Variants in MID1 observed in about 807,000 individuals in gnomAD.
MID1 encodes E3 ubiquitin-protein ligase Midline-1.
A neutral mutation model predicts 40.4 loss-of-function variants in MID1; 7 were observed. That is an observed-to-expected ratio of 0.17 (90% CI 0.10 to 0.33). The LOEUF is 0.33. Among genes scored for constraint, MID1 ranks in the 10% least tolerant of loss-of-function variants. The pLI, the probability that MID1 is intolerant of heterozygous loss-of-function variation, is 1.00. For missense variants in MID1, 367 were observed against 558.5 expected (o/e 0.66, Z 3.46); for synonymous variants, 229 against 221.2 (o/e 1.04, Z -0.31).
intron 3 of MID1, among the ~76,000 whole-genome samples, chrX:10,503,465 G>A (rs1338533300): frequency 2.7e-5 from 3 of 112,083 alleles, no homozygotes; most frequent in Non-Finnish European, 5.6e-5. Flanking sequence ...ACCAGAGTAC[G>A]GGACAATATT....
chrX:10,712,404 C>T (rs756722994), intron 1 of MID1, among the ~76,000 whole-genome samples: 2 of 111,059 alleles, frequency 1.8e-5, no homozygotes, highest in Non-Finnish European at 3.8e-5. Context: ...TTTAGGAATG[C>T]GGGACTGGTA....
At chrX:10,758,456 A>G (rs1420489037) in intron 1 of MID1, among the ~76,000 whole-genome samples, 2 of 106,069 alleles carry the variant, frequency 1.9e-5, no homozygotes, top group Admixed American at 2.0e-4. Context: ...CCAGTCTTTA[A>G]ACAGTACTTT....
intron 1 of MID1, among the ~76,000 whole-genome samples, chrX:10,571,160 C>T (rs1261660256): frequency 1.8e-5 from 2 of 112,480 alleles, no homozygotes; most frequent in Non-Finnish European, 3.8e-5. Context: ...TGGCATAGTG[C>T]TTTATGCAAG....
rs1012813906 is a variant in MID1 at position 10,600,100 on chromosome X, T to C, written c.-57+20190A>G. Among the ~76,000 whole-genome samples, 3 of 111,839 alleles carry C rather than the reference T, an allele frequency of 2.7e-5. No homozygotes were observed. In the East Asian group the frequency reaches 8.4e-4, roughly 31 times the overall value. ...CATCCTGAGTATCTACAGGGTTTGG[T>C]TGAAAACTGTGTCCTCAGTAAGTAC... On this transcript the variant is annotated intron_variant, in intron 1 of 9. Coordinates refer to ENST00000317552, the MANE Select transcript of MID1 (RefSeq NM_000381.4).
intron 2 of MID1, among the ~76,000 whole-genome samples, chrX:10,551,727 T>C: frequency 8.9e-6 from 1 of 112,142 alleles, no homozygotes; most frequent in Middle Eastern, 4.6e-3. Context: ...CCACTGGGCT[T>C]GAGAAATTGA....
intron 3 of MID1, among the ~76,000 whole-genome samples, chrX:10,509,362 TA>T (rs1206864271): frequency 8.9e-6 from 1 of 111,912 alleles, no homozygotes; most frequent in Non-Finnish European, 1.9e-5. Flanking sequence ...AATTATTATT[TA>T]TAAGTGTTTT....
At chrX:10,638,256 A>C (rs6654928) in intron 1 of MID1, among the ~76,000 whole-genome samples, 7,738 of 111,513 alleles carry the variant, frequency 0.069, 481 homozygotes, top group African/African-American at 0.2. Context: ...CCTTTCCTAG[A>C]AAAGGGAAGC....
In MID1 at chrX:10,579,222, C is replaced by T. The variant is rs1029149700; in HGVS notation, c.-56-11619G>A. Among the ~76,000 whole-genome samples, 6 of 111,939 alleles carry T rather than the reference C, an allele frequency of 5.4e-5. No homozygotes were observed. In the East Asian group the frequency reaches 8.4e-4, roughly 16 times the overall value. On this transcript the variant is annotated intron_variant, in intron 1 of 9. Coordinates refer to ENST00000317552, the MANE Select transcript of MID1 (RefSeq NM_000381.4). ...GGTCACCTGGAAATGAGCAAAATGACGCAAGTGATCTATTCTCTGAAAGAC... is the reference window on the plus strand; with the variant it reads ...GGTCACCTGGAAATGAGCAAAATGATGCAAGTGATCTATTCTCTGAAAGAC...
intron 1 of MID1, among the ~76,000 whole-genome samples, chrX:10,803,716 G>C (rs1053139707): frequency 3.6e-5 from 4 of 111,579 alleles, no homozygotes; most frequent in Non-Finnish European, 7.5e-5. Flanking sequence ...ATATGATATG[G>C]CTAGGTGTAG....
At chrX:10,565,654 A>T (rs1442862961) in intron 2 of MID1, among the ~76,000 whole-genome samples, 1 of 111,542 alleles carries the variant, frequency 9.0e-6, no homozygotes, top group Non-Finnish European at 1.9e-5. Context: ...GTGTCTTGTG[A>T]TCTAAAATTA....
intron 1 of MID1, among the ~76,000 whole-genome samples, chrX:10,745,147 C>T (rs1383169703): frequency 8.9e-6 from 1 of 112,519 alleles, no homozygotes; most frequent in Non-Finnish European, 1.9e-5. Context: ...TCTCCAGGAC[C>T]ATCCTGGTTC....
chrX:10,723,858 T>C (rs1004474114), intron 1 of MID1, among the ~76,000 whole-genome samples: 1 of 112,854 alleles, frequency 8.9e-6, no homozygotes, highest in African/African-American at 3.2e-5. Context: ...AGTTTCTTAC[T>C]TCATTTACCA....
intron 5 of MID1, among the ~76,000 whole-genome samples, chrX:10,480,367 T>G (rs556819580): frequency 8.9e-6 from 1 of 112,237 alleles, no homozygotes; most frequent in East Asian, 2.8e-4. Context: ...ATAACTGTTA[T>G]GGGGTCACAT....
intron 1 of MID1, among the ~76,000 whole-genome samples, chrX:10,692,959 T>C (rs1411460983): frequency 9.0e-6 from 1 of 111,225 alleles, no homozygotes; most frequent in Non-Finnish European, 1.9e-5. Flanking sequence ...TCTTCCCCAA[T>C]GATGAGTAGA....
chrX:10,802,098 C>T (rs1450357552), intron 1 of MID1, among the ~76,000 whole-genome samples: 1 of 111,363 alleles, frequency 9.0e-6, no homozygotes, highest in Non-Finnish European at 1.9e-5. Flanking sequence ...AGGGAAATTG[C>T]TTGAACCTGG....
At chrX:10,786,941 C>T (rs774844080) in intron 1 of MID1, among the ~76,000 whole-genome samples, 1 of 108,256 alleles carries the variant, frequency 9.2e-6, no homozygotes, top group South Asian at 4.1e-4. Context: ...CTAACCTGCA[C>T]GTTGTGCACA....
chrX:10,665,345 G>A (rs2042943104), intron 1 of MID1, among the ~76,000 whole-genome samples: 1 of 111,354 alleles, frequency 9.0e-6, no homozygotes, highest in African/African-American at 3.3e-5. Flanking sequence ...ACACCTTCTG[G>A]AATTCAAAAC....
At chrX:10,716,014 G>A (rs1481862407) in intron 1 of MID1, among the ~76,000 whole-genome samples, 1 of 111,848 alleles carries the variant, frequency 8.9e-6, no homozygotes, top group African/African-American at 3.3e-5. Flanking sequence ...CTAACAAACA[G>A]AAAGGACATC....
At chrX:10,760,130 T>C (rs1222288290) in intron 1 of MID1, among the ~76,000 whole-genome samples, 1 of 112,048 alleles carries the variant, frequency 8.9e-6, no homozygotes, top group Admixed American at 9.4e-5. Context: ...ACACCTGTGA[T>C]AGATCAATGC....
Sources: gnomAD v4.1 joint callset for allele counts (sites outside exome capture counted in the v4.1 genomes callset) on GRCh38, gnomAD v4.1.1 for gene constraint, MANE v1.5 for transcripts, NCBI Gene and HGNC (gene_info 2026-07-23, HGNC 2026-07-21) for gene names.